The following TEP1 variants were observed in gnomAD, a reference collection of about 807,000 sequenced individuals.
TEP1 encodes the protein telomerase protein component 1.
In TEP1, 241 loss-of-function variants were observed where a neutral mutation model predicts 306.3. That is an observed-to-expected ratio of 0.79 (90% CI 0.71 to 0.88). The LOEUF (loss-of-function observed/expected upper bound fraction) is 0.88, where lower values mean the gene tolerates loss of function less well. TEP1 is among the 40% of genes least tolerant of loss of function. TEP1 has a pLI of 0.00. For missense variants in TEP1, 3,051 were observed against 3,276.1 expected (o/e 0.93, Z 1.68); for synonymous variants, 1,289 against 1,305.5 (o/e 0.99, Z 0.27).
Position 20,379,121 on chromosome 14 carries a change from A to G in TEP1, c.5128-16T>C. The G allele has an allele frequency of 6.2e-7, 1 of 1,613,186 alleles. No homozygotes were observed. The highest frequency in any genetic ancestry group is 8.5e-7 in the Non-Finnish European group (1 of 1,179,494). On this transcript the variant is annotated splice_polypyrimidine_tract_variant and intron_variant, in intron 35 of 54. Coordinates refer to ENST00000262715, the MANE Select transcript of TEP1 (RefSeq NM_007110.5). ...ACTTCTCCTCCTGCGACAGTGGGTG[A>G]GGGAGCGCAGCTCAGGCCATCCCCT...
intron 50 of TEP1, 64 bp from the exon 51 acceptor site, chr14:20,371,378 T>A: frequency 6.3e-7 from 1 of 1,596,910 alleles, no homozygotes. Flanking sequence ...GAAGAACACC[T>A]CTCTTTAAGA....
chr14:20,378,376 T>C lies in TEP1; in HGVS notation c.5508+4A>G. The C allele has an allele frequency of 6.2e-7, 1 of 1,614,230 alleles. No homozygotes were observed. On this transcript the variant is annotated splice_donor_region_variant and intron_variant, in intron 38 of 54. Coordinates refer to ENST00000262715, the MANE Select transcript of TEP1 (RefSeq NM_007110.5). ...CCCCCAAGAGCAACACTGGACCTTCTTACCTTGGTGACTTTGAGCCCATCC... is the reference window on the plus strand; with the variant it reads ...CCCCCAAGAGCAACACTGGACCTTCCTACCTTGGTGACTTTGAGCCCATCC...
chr14:20,392,422 A>G (rs1219720516), intron 12 of TEP1, among the ~76,000 whole-genome samples: 1 of 152,016 alleles, frequency 6.6e-6, no homozygotes, highest in Non-Finnish European at 1.5e-5. Context: ...TATATATAGG[A>G]TCACCTATGA....
In TEP1 at chr14:20,408,138, T is replaced by G; in HGVS notation, c.302A>C (p.His101Pro). 1 of 1,610,050 alleles carries G rather than the reference T, an allele frequency of 6.2e-7. No homozygotes were observed. The highest frequency in any genetic ancestry group is 8.5e-7 in the Non-Finnish European group (1 of 1,177,678). ...MEKPHGHVSA[H>P]PDILSLENRC... Reference sequence around the variant, plus strand: ...GTTCTCCAAGGAGAGGATGTCTGGGTGGGCAGAAACATGTCCATGTGGTTT... The same window carrying G: ...GTTCTCCAAGGAGAGGATGTCTGGGGGGGCAGAAACATGTCCATGTGGTTT... Residue 101 changes from histidine to proline, a missense_variant, in exon 2 of 55, where the codon CAC (histidine) becomes CCC (proline). His to Pro is a moderately conservative substitution (Grantham distance 77, BLOSUM62 -2). Coordinates refer to ENST00000262715, the MANE Select transcript of TEP1 (RefSeq NM_007110.5).
intron 18 of TEP1, 124 bp downstream of exon 18, chr14:20,387,781 G>C (rs1877326435): frequency 1.7e-6 from 2 of 1,206,872 alleles, no homozygotes; most frequent in Non-Finnish European, 2.3e-6. Flanking sequence ...GCCTGAGAAA[G>C]AGGAAGCATG....
Position 20,396,675 on chromosome 14 carries a change from C to A in TEP1, c.1605G>T (p.Arg535=), listed in dbSNP as rs761412035. Residue 535 remains arginine (R), a synonymous_variant, in exon 10 of 55, where the codon CGG becomes CGT. Coordinates refer to ENST00000262715, the MANE Select transcript of TEP1 (RefSeq NM_007110.5). ...CATGGTGGCGGGAACTGATTCCAAC[C>A]CGCAGCAGGTTGCACAGGTTCCGAA... ...AMLRNLCNLL[R]VGISSRHHEL... is the part of the protein sequence containing the mutation. 19 of 1,612,092 alleles carry A rather than the reference C, an allele frequency of 1.2e-5. No homozygotes were observed. Among genetic ancestry groups the A allele is most frequent in the Admixed American group, 5.0e-5 (3 of 59,958 alleles).
In TEP1 at chr14:20,391,608, G is replaced by T; in HGVS notation, c.2088C>A (p.Asn696Lys). The T allele has an allele frequency of 6.2e-7, 1 of 1,613,172 alleles. No individual in the cohort carries two copies. The highest frequency in any genetic ancestry group is 8.5e-7 in the Non-Finnish European group (1 of 1,179,546). The stretch of plus-strand genomic sequence containing the variant: ...CTTTTTGTTTTCTTACCCCTTGTGG[G>T]TTGCTCTTTGGACAGAGCCTGTCTG... ...ANADRLCPKS[N>K]PQGPPLNYAL... Residue 696 changes from asparagine (N) to lysine (K), a missense_variant, in exon 13 of 55, where the codon AAC becomes AAA. By Grantham distance (94) the Asn-to-Lys change is moderately conservative. This residue lies in a region of TEP1 where 1,507 missense variants were observed against 1,550.5 expected (regional missense o/e 0.97). Transcript: ENST00000262715.
chr14:20,403,492 G>A lies in TEP1; in HGVS notation c.1195-44C>T, dbSNP rs780222751. The A allele has an allele frequency of 3.1e-6, 5 of 1,611,496 alleles. No individual in the cohort carries two copies. The East Asian group carries it at 8.9e-5, about 29-fold the overall frequency. ...CAATTTCAAAAAAAGGGAACTGGCT[G>A]TCCTTGAAGAGATCCAGTCAATAGC... On this transcript the variant is annotated intron_variant, in intron 6 of 54. Coordinates refer to ENST00000262715, the MANE Select transcript of TEP1 (RefSeq NM_007110.5).
chr14:20,395,576 T>C lies in TEP1; in HGVS notation c.1802A>G (p.Asn601Ser). ...ITLMRRILTR[N>S]EKNRPRRRFL... ...CCTCCGCCTGGGACGGTTCTTTTCA[T>C]TTCTAGTTAGTATCCGCCTCATCAG... The change falls in exon 12 of 55, where the codon AAT (asparagine) becomes AGT (serine). Residue 601 changes from asparagine to serine, a missense_variant. By Grantham distance (46) the Asn-to-Ser change is conservative. Around this residue, in one of 3 missense-constraint regions of TEP1, gnomAD observed 1,507 missense variants for 1,550.5 expected, o/e 0.97. Transcript: ENST00000262715. 6.2e-7 allele frequency: 1 copy of C among 1,613,446 alleles called. No individual in the cohort carries two copies. Among genetic ancestry groups the C allele is most frequent in the Non-Finnish European group, 8.5e-7 (1 of 1,179,378 alleles).
In TEP1 at chr14:20,387,992, G is replaced by T; in HGVS notation, c.2597C>A (p.Pro866Gln). ...GACCCCTGTCTTTCCTGGGGGTGGTGGAATCTTGAATATTTTGTCCATTTG... is the reference window on the plus strand; with the variant it reads ...GACCCCTGTCTTTCCTGGGGGTGGTTGAATCTTGAATATTTTGTCCATTTG... ...VGQMDKIFKI[P>Q]PPPGKTGVQS... Residue 866 changes from proline (P) to glutamine (Q), a missense_variant, in exon 18 of 55, where the codon CCA becomes CAA. Physicochemically the swap from Pro to Gln is moderately conservative, Grantham distance 76. Coordinates refer to ENST00000262715, the MANE Select transcript of TEP1 (RefSeq NM_007110.5). 1 of 1,614,104 alleles carries T rather than the reference G, an allele frequency of 6.2e-7. No individual in the cohort carries two copies. Among genetic ancestry groups the T allele is most frequent in the Non-Finnish European group, 8.5e-7 (1 of 1,180,006 alleles).
At position 20,387,551 on chromosome 14, in the gene TEP1, CA is replaced by C. The variant is rs34816712; in HGVS notation, c.2684+353del. 3.2e-4 allele frequency among the ~76,000 whole-genome samples: 41 copies of C among 127,664 alleles called. 1 individual carries two copies. Among genetic ancestry groups the C allele is most frequent in the South Asian group, 2.8e-4 (1 of 3,558 alleles). The allele number at this position is 127,664 out of a possible 152,430, so 83.8% of individuals were successfully genotyped here. A position where few individuals can be genotyped will look rare whatever the true frequency, so the allele number is the denominator to read the frequency against. On this transcript the variant is annotated intron_variant, in intron 18 of 54. Transcript: ENST00000262715. ...TGGGCGACACAGCGAGACTCCGTCT[CA>C]AAAAAAAAAAGAAATTAAGCAACTA...
chr14:20,371,041 C>A (rs1364011846), intron 51 of TEP1, among the ~76,000 whole-genome samples, 177 bp downstream of exon 51: 1 of 152,206 alleles, frequency 6.6e-6, no homozygotes, highest in Non-Finnish European at 1.5e-5. Context: ...CCAGTGAAAT[C>A]TTACATGGGA....
chr14:20,375,923 C>G, intron 42 of TEP1, 55 bp from the exon 43 acceptor site: 2 of 1,524,922 alleles, frequency 1.3e-6, no homozygotes, highest in Admixed American at 1.7e-5. Flanking sequence ...GATGGGAACC[C>G]CGGAGCCATT....
In TEP1 at chr14:20,384,487, AC is replaced by A. The variant is rs777244307; in HGVS notation, c.3242del (p.Gly1081ValfsTer26). 14 of 1,612,714 alleles carry A rather than the reference AC, an allele frequency of 8.7e-6. No individual in the cohort carries two copies. The highest frequency in any genetic ancestry group is 1.3e-5 in the African/African-American group (1 of 74,492). ...TCRRYPCEWG[G>X]VAAGRPYVGG... The stretch of plus-strand genomic sequence containing the variant: ...CAACATAGGGCCGGCCAGCTGCCAC[AC>A]CCCCCCACTCACAGGGGTATCTGTG... On this transcript the variant is annotated frameshift_variant, in exon 23 of 55. Transcript: ENST00000262715. LOFTEE classifies it high-confidence loss of function.
intron 18 of TEP1, 135 bp from the exon 19 acceptor site, chr14:20,386,758 T>G: frequency 1.0e-6 from 1 of 989,134 alleles, no homozygotes; most frequent in Non-Finnish European, 1.4e-6. Flanking sequence ...CAGCAGGCCT[T>G]CAGAGAAGCA....
chr14:20,372,362 A>ATG (rs1207479974), intron 49 of TEP1, among the ~76,000 whole-genome samples: 2,084 of 135,094 alleles, frequency 0.015, 18 homozygotes, highest in Non-Finnish European at 0.023. Context: ...CCCCAGGAAT[A>ATG]TGTGTGTGTG....
chr14:20,396,158 G>A (rs1878190120), intron 10 of TEP1, among the ~76,000 whole-genome samples: 1 of 152,150 alleles, frequency 6.6e-6, no homozygotes, highest in African/African-American at 2.4e-5. Flanking sequence ...GTAACAGAAG[G>A]AGCCCCGTTT....
At position 20,381,264 on chromosome 14, in the gene TEP1, A is replaced by G; in HGVS notation, c.4647+49T>C. ...TAACGGGGAGAGGGGTCTCAGAGCA[A>G]CCAAAGCACTCACTTTGGGAAAGGT... On this transcript the variant is annotated intron_variant, in intron 32 of 54. Transcript: ENST00000262715. This position sits in a 1 kb window ranked among gnomAD's most constrained non-coding sequence, Gnocchi z 4.0. The G allele has an allele frequency of 6.3e-7, 1 of 1,575,920 alleles. No homozygotes were observed. The highest frequency in any genetic ancestry group is 1.1e-5 in the South Asian group (1 of 90,330).
chr14:20,383,780 G>A lies in TEP1; in HGVS notation c.3673C>T (p.Gln1225Ter). 1 of 1,611,424 alleles carries A rather than the reference G, an allele frequency of 6.2e-7. No individual in the cohort carries two copies. The highest frequency in any genetic ancestry group is 8.5e-7 in the Non-Finnish European group (1 of 1,179,370). Residue 1225 changes from glutamine (Q) to a stop codon, truncating the protein, a stop_gained, in exon 25 of 55, where the codon CAA becomes TAA. Transcript: ENST00000262715. LOFTEE classifies it high-confidence loss of function. The stretch of plus-strand genomic sequence containing the variant: ...GGGAGGGCACCTGGCTCTTTTAGTT[G>A]GCCACGCAGATAGGTACAGAGGCGT... ...LRRLCTYLRG[Q>*]LKEPGALPST... is the part of the protein sequence containing the mutation.
Sources: allele counts gnomAD v4.1 joint callset (sites outside exome capture counted in the v4.1 genomes callset), GRCh38; gene constraint gnomAD v4.1.1; regional missense constraint gnomAD v4.1.1; non-coding constraint Gnocchi (gnomAD v3.1); transcripts MANE v1.5; gene names NCBI Gene and HGNC (gene_info 2026-07-23, HGNC 2026-07-21).